The following AGAP1 variants were observed in gnomAD, a reference collection of about 807,000 sequenced individuals.
AGAP1 encodes arf-GAP with GTPase, ANK repeat and PH domain-containing protein 1.
AGAP1 carries 29 observed loss-of-function variants against 105.3 expected under a neutral mutation model. The ratio of observed to expected loss-of-function variants is 0.28; its 90% CI spans 0.21 to 0.38. The LOEUF is 0.38. Among genes scored for constraint, AGAP1 ranks in the 10% least tolerant of loss-of-function variants. The pLI, the probability that AGAP1 is intolerant of heterozygous loss-of-function variation, is 1.00. For missense variants in AGAP1, 998 were observed against 1,165.1 expected, an observed-to-expected ratio of 0.86 and a Z score of 2.09; for synonymous variants, 509 against 485.9, an observed-to-expected ratio of 1.05 and a Z score of -0.63.
intron 1 of AGAP1, among the ~76,000 whole-genome samples, chr2:235,573,455 C>G (rs1185188731): frequency 6.6e-6 from 1 of 152,102 alleles, no homozygotes; most frequent in African/African-American, 2.4e-5. Flanking sequence ...TTCATTGAGA[C>G]TTACCAAAAC....
rs370081007 is a variant in AGAP1 at position 235,851,256 on chromosome 2, A to G, written c.1051-32089A>G. On this transcript the variant is annotated intron_variant, in intron 9 of 17. Coordinates refer to ENST00000304032, the MANE Select transcript of AGAP1 (RefSeq NM_001037131.3). Reference sequence around the variant, plus strand: ...TGCTGAATATAGACCATCGGTGCCCACCTGGCGCTCCTGCTGCTCGGTCGG... The same window carrying G: ...TGCTGAATATAGACCATCGGTGCCCGCCTGGCGCTCCTGCTGCTCGGTCGG... 6.7e-4 allele frequency among the ~76,000 whole-genome samples: 102 copies of G among 152,284 alleles called. 1 individual carries two copies. In the East Asian group the frequency reaches 0.016, roughly 24 times the overall value.
chr2:235,640,076 C>T (rs1947139072), intron 1 of AGAP1, among the ~76,000 whole-genome samples: 1 of 152,214 alleles, frequency 6.6e-6, no homozygotes, highest in African/African-American at 2.4e-5. Flanking sequence ...AACTTCATCC[C>T]TCTCAGGCGC....
chr2:235,794,323 G>T (rs533646505), intron 6 of AGAP1, among the ~76,000 whole-genome samples: 1 of 152,116 alleles, frequency 6.6e-6, no homozygotes, highest in Non-Finnish European at 1.5e-5. Context: ...AATTAAATTG[G>T]TAGTGTCAGT....
At chr2:235,670,729 C>T (rs1388987236) in intron 1 of AGAP1, 4 of 855,492 alleles carry the variant, frequency 4.7e-6, no homozygotes, top group Non-Finnish European at 3.7e-6. Flanking sequence ...AGCGCAACAC[C>T]CTGGACGTGG....
intron 1 of AGAP1, among the ~76,000 whole-genome samples, chr2:235,685,267 G>T (rs1320180005): frequency 6.6e-6 from 1 of 151,910 alleles, no homozygotes; most frequent in Non-Finnish European, 1.5e-5. Flanking sequence ...TGGTGTGTGG[G>T]TTCCTCCCTT....
At position 235,883,580 on chromosome 2, in the gene AGAP1, A is replaced by C; in HGVS notation, c.1155+131A>C. On this transcript the variant is annotated intron_variant, in intron 10 of 17. Transcript: ENST00000304032. The surrounding 1 kb of genome is among the most constrained non-coding windows in gnomAD (Gnocchi z 4.5). Reference sequence around the variant, plus strand: ...AAAGTCGTATTTGGTCTCCTGCTCAACTGTGAGATAAATAACCCTGTTCCT... The same window carrying C: ...AAAGTCGTATTTGGTCTCCTGCTCACCTGTGAGATAAATAACCCTGTTCCT... 3.0e-6 allele frequency: 2 copies of C among 675,780 alleles called. No homozygotes were observed. The highest frequency in any genetic ancestry group is 5.1e-6 in the Non-Finnish European group (2 of 391,092). The allele number at this position is 675,780 out of a possible 1,614,324, so 41.9% of individuals were successfully genotyped here.
At chr2:235,683,768 A>G (rs1440724323) in intron 1 of AGAP1, among the ~76,000 whole-genome samples, 1 of 151,664 alleles carries the variant, frequency 6.6e-6, no homozygotes, top group Non-Finnish European at 1.5e-5. Context: ...TTACATAGGT[A>G]TACATGTGCC....
chr2:235,776,840 G>A (rs183392317), intron 6 of AGAP1: 5 of 465,694 alleles, frequency 1.1e-5, no homozygotes, highest in Admixed American at 4.7e-5. Context: ...GCACCAACTC[G>A]GAGCCCCTTT....
At position 235,936,404 on chromosome 2, in the gene AGAP1, G is replaced by A. The variant is rs1480453077; in HGVS notation, c.1483+5481G>A. Among the ~76,000 whole-genome samples the A allele has an allele frequency of 2.0e-5, 3 of 152,280 alleles. No homozygotes were observed. The highest frequency in any genetic ancestry group is 6.5e-5 in the Admixed American group (1 of 15,298). On this transcript the variant is annotated intron_variant, in intron 12 of 17. Coordinates refer to ENST00000304032, the MANE Select transcript of AGAP1 (RefSeq NM_001037131.3). The surrounding 1 kb of genome is among the most constrained non-coding windows in gnomAD (Gnocchi z 4.7). The stretch of plus-strand genomic sequence containing the variant: ...GGTTATAAAGCAGCCGATCCTCAAT[G>A]GAAAGCATTTGAGTTTTTGCCAGCT...
intron 13 of AGAP1, among the ~76,000 whole-genome samples, chr2:236,028,933 TG>T (rs1194710399): frequency 6.6e-6 from 1 of 152,176 alleles, no homozygotes; most frequent in Admixed American, 6.5e-5. Context: ...TTTCTCTTAT[TG>T]ATTTTTTTTC....
At position 235,577,063 on chromosome 2, in the gene AGAP1, G is replaced by T. The variant is rs1944756738; in HGVS notation, c.163+82214G>T. ...CCAAGAAAAGCATTTCTGTTGTCCTGAAATATCAGGCCTTCCTGAACCCCC... is the reference window on the plus strand; with the variant it reads ...CCAAGAAAAGCATTTCTGTTGTCCTTAAATATCAGGCCTTCCTGAACCCCC... On this transcript the variant is annotated intron_variant, in intron 1 of 17. Transcript: ENST00000304032. This position sits in a 1 kb window ranked among gnomAD's most constrained non-coding sequence, Gnocchi z 4.5. 6.6e-6 allele frequency among the ~76,000 whole-genome samples: 1 copy of T among 152,152 alleles called. No homozygotes were observed. Among genetic ancestry groups the T allele is most frequent in the Admixed American group, 6.5e-5 (1 of 15,274 alleles).
intron 11 of AGAP1, among the ~76,000 whole-genome samples, chr2:235,917,057 T>G (rs1167664315): frequency 6.6e-6 from 1 of 152,204 alleles, no homozygotes; most frequent in African/African-American, 2.4e-5. Flanking sequence ...CCTTCTTGTC[T>G]CTAAAGTGTG....
chr2:235,677,608 G>A lies in AGAP1; in HGVS notation c.164-31571G>A, dbSNP rs151276815. Among the ~76,000 whole-genome samples the A allele has an allele frequency of 2.0e-3, 307 of 152,130 alleles. 2 individuals are homozygous for A. Among genetic ancestry groups the A allele is most frequent in the Middle Eastern group, 0.014 (4 of 294 alleles). ...AGGAATGCTCCTTTATTCTCTGTACGGCCTTTGGGTGCATCATTTGAGTGG... is the reference window on the plus strand; with the variant it reads ...AGGAATGCTCCTTTATTCTCTGTACAGCCTTTGGGTGCATCATTTGAGTGG... On this transcript the variant is annotated intron_variant, in intron 1 of 17. Coordinates refer to ENST00000304032, the MANE Select transcript of AGAP1 (RefSeq NM_001037131.3).
At position 235,578,802 on chromosome 2, in the gene AGAP1, T is replaced by A. The variant is rs1056703172; in HGVS notation, c.163+83953T>A. Among the ~76,000 whole-genome samples the A allele has an allele frequency of 1.3e-5, 2 of 149,608 alleles. No homozygotes were observed. The highest frequency in any genetic ancestry group is 5.0e-5 in the African/African-American group (2 of 39,900). Reference sequence around the variant, plus strand: ...TCAGTCTCAAAAAAAAAAAAAAAATTTTTTTTTTACAATAAGCTATTTAAA... The same window carrying A: ...TCAGTCTCAAAAAAAAAAAAAAAATATTTTTTTTACAATAAGCTATTTAAA... On this transcript the variant is annotated intron_variant, in intron 1 of 17. Transcript: ENST00000304032. This position sits in a 1 kb window ranked among gnomAD's most constrained non-coding sequence, Gnocchi z 4.9.
chr2:236,083,103 C>A lies in AGAP1; in HGVS notation c.2114+33822C>A, dbSNP rs545821907. 1.3e-5 allele frequency among the ~76,000 whole-genome samples: 2 copies of A among 151,888 alleles called. No homozygotes were observed. The highest frequency in any genetic ancestry group is 4.8e-5 in the African/African-American group (2 of 41,324). On this transcript the variant is annotated intron_variant, in intron 16 of 17. Transcript: ENST00000304032. This position sits in a 1 kb window ranked among gnomAD's most constrained non-coding sequence, Gnocchi z 5.3. ...CTGGGAGGCATAGGTTGCAGTGAGC[C>A]GAGATCACGCCATTGCACTCCAGCC...
At chr2:235,606,614 AG>A (rs1945947488) in intron 1 of AGAP1, among the ~76,000 whole-genome samples, 1 of 152,234 alleles carries the variant, frequency 6.6e-6, no homozygotes, top group African/African-American at 2.4e-5. Flanking sequence ...CTTCAAAGAA[AG>A]AAGGAACACT....
intron 1 of AGAP1, among the ~76,000 whole-genome samples, chr2:235,565,820 C>A (rs1287011075): frequency 2.0e-5 from 3 of 152,086 alleles, no homozygotes; most frequent in Admixed American, 2.0e-4. Context: ...GCCACCACGC[C>A]AGGCTCATTT....
At chr2:235,653,419 G>C (rs1219401977) in intron 1 of AGAP1, among the ~76,000 whole-genome samples, 1 of 152,062 alleles carries the variant, frequency 6.6e-6, no homozygotes, top group Non-Finnish European at 1.5e-5. Context: ...AGCCGAGATA[G>C]CGCCACTGCA....
At chr2:235,748,812 C>T (rs1050393359) in intron 5 of AGAP1, among the ~76,000 whole-genome samples, 1 of 152,134 alleles carries the variant, frequency 6.6e-6, no homozygotes, top group African/African-American at 2.4e-5. Context: ...ATTTCTTTGA[C>T]TGGTGGAGAA....
Sources: gnomAD v4.1 joint callset for allele counts (sites outside exome capture counted in the v4.1 genomes callset) on GRCh38, gnomAD v4.1.1 for gene constraint, Gnocchi (gnomAD v3.1) non-coding constraint, MANE v1.5 for transcripts, NCBI Gene and HGNC (gene_info 2026-07-23, HGNC 2026-07-21) for gene names.